Variants in ELAPOR1 observed in about 807,000 individuals in gnomAD.
ELAPOR1 encodes endosome/lysosome-associated apoptosis and autophagy regulator 1.
ELAPOR1 carries 77 observed loss-of-function variants against 119.7 expected under a neutral mutation model. The ratio of observed to expected loss-of-function variants is 0.64; its 90% CI spans 0.54 to 0.78. The LOEUF is 0.78. Ranked by LOEUF, ELAPOR1 falls within the 30% of genes least tolerant of loss-of-function variation. The pLI is 0.00. For missense variants in ELAPOR1, 1,115 were observed against 1,270.4 expected, an observed-to-expected ratio of 0.88 and a Z score of 1.86; for synonymous variants, 481 against 487.2, an observed-to-expected ratio of 0.99 and a Z score of 0.17.
chr1:109,197,688 AGTGTGTGTGTGT>A (rs5776967), intron 16 of ELAPOR1, 34 bp downstream of exon 16: 15 of 1,366,708 alleles, frequency 1.1e-5, no homozygotes, highest in African/African-American at 2.9e-5. Flanking sequence ...CTTGTTTGAG[AGTGTGTGTGTGT>A]GTGTGTGTGT....
intron 14 of ELAPOR1, among the ~76,000 whole-genome samples, chr1:109,193,892 T>C (rs1298660322): frequency 6.6e-6 from 1 of 152,204 alleles, no homozygotes; most frequent in Non-Finnish European, 1.5e-5. Flanking sequence ...TACCGCTGAA[T>C]GGTGACCCTA....
At chr1:109,159,143 C>G (rs929124407) in intron 1 of ELAPOR1, among the ~76,000 whole-genome samples, 2 of 152,132 alleles carry the variant, frequency 1.3e-5, no homozygotes, top group African/African-American at 4.8e-5. Context: ...ATCCACCCAC[C>G]TTGGCCTCCC....
rs186610158 is a variant in ELAPOR1 at position 109,149,610 on chromosome 1, T to C, written c.154-12284T>C. Among the ~76,000 whole-genome samples, 303 of 152,314 alleles carry C rather than the reference T, an allele frequency of 2.0e-3. 1 individual carries two copies. Among genetic ancestry groups the C allele is most frequent in the African/African-American group, 6.6e-3 (276 of 41,558 alleles). On this transcript the variant is annotated intron_variant, in intron 1 of 21. Transcript: ENST00000369939. ...CATTCAGTCATTCAACAAATACTTA[T>C]TGAAAGCTACTATGTCAGGTGCTGT... is the stretch of plus-strand genomic sequence containing the variant.
chr1:109,170,745 C>T (rs144387618), intron 3 of ELAPOR1, among the ~76,000 whole-genome samples: 43 of 152,256 alleles, frequency 2.8e-4, no homozygotes, highest in African/African-American at 7.9e-4. Context: ...AGGATCTGTC[C>T]GCTGGGCTGC....
In ELAPOR1 at chr1:109,200,827, A is replaced by C. The variant is rs1408494304; in HGVS notation, c.2900A>C (p.Glu967Ala). The change falls in exon 21 of 22, where the codon GAG becomes GCG. Residue 967 changes from glutamate to alanine, a missense_variant. Coordinates refer to ENST00000369939, the MANE Select transcript of ELAPOR1 (RefSeq NM_020775.5). ...GACAGCTGCGCCATCATGGAAGGCG[A>C]GGATGTAGAGGACGACCTCATCTTT... ...AADSCAIMEG[E>A]DVEDDLIFTS... 6.2e-7 allele frequency: 1 copy of C among 1,614,210 alleles called. No individual in the cohort carries two copies. Among genetic ancestry groups the C allele is most frequent in the East Asian group, 2.2e-5 (1 of 44,876 alleles).
At chr1:109,192,442 A>G (rs930779736) in intron 13 of ELAPOR1, among the ~76,000 whole-genome samples, 169 bp from the exon 14 acceptor site, 2 of 152,190 alleles carry the variant, frequency 1.3e-5, no homozygotes, top group African/African-American at 2.4e-5. Flanking sequence ...AATGACATCA[A>G]ATGCACACGA....
At chr1:109,201,464 G>C (rs1373605426) in intron 21 of ELAPOR1, 1 of 425,798 alleles carries the variant, frequency 2.3e-6, no homozygotes, top group African/African-American at 2.0e-5. Context: ...CTGTCACTGG[G>C]TGTGGGGCCA....
chr1:109,122,128 G>A (rs917686590), intron 1 of ELAPOR1, among the ~76,000 whole-genome samples: 9 of 149,596 alleles, frequency 6.0e-5, no homozygotes, highest in African/African-American at 1.7e-4. Context: ...AGAGTACAGC[G>A]GTGCAATCTC....
At chr1:109,186,678 T>C in intron 8 of ELAPOR1, 3 of 985,448 alleles carry the variant, frequency 3.0e-6, no homozygotes, top group Non-Finnish European at 3.6e-6. Flanking sequence ...ATTTTCTTGG[T>C]CTCAGCCAAC....
chr1:109,181,581 A>T (rs1652698075), intron 7 of ELAPOR1, among the ~76,000 whole-genome samples: 2 of 152,178 alleles, frequency 1.3e-5, no homozygotes, highest in African/African-American at 4.8e-5. Flanking sequence ...ATATTTGACA[A>T]GCAGAGAAAG....
At chr1:109,136,933 T>A (rs535787032) in intron 1 of ELAPOR1, among the ~76,000 whole-genome samples, 2 of 152,292 alleles carry the variant, frequency 1.3e-5, no homozygotes, top group African/African-American at 4.8e-5. Context: ...AGGCAGTTTG[T>A]GATCTTTGCC....
intron 1 of ELAPOR1, among the ~76,000 whole-genome samples, chr1:109,153,594 C>G (rs1650667612): frequency 1.3e-5 from 2 of 151,650 alleles, no homozygotes; most frequent in African/African-American, 4.8e-5. Flanking sequence ...GTAGTTATCT[C>G]TGTTTGGTGG....
rs146301187 is a variant in ELAPOR1 at position 109,189,641 on chromosome 1, C to T, written c.1398C>T (p.Asp466=). 1.2e-6 allele frequency: 2 copies of T among 1,614,050 alleles called. No individual in the cohort carries two copies. Among genetic ancestry groups the T allele is most frequent in the African/African-American group, 2.7e-5 (2 of 74,924 alleles). ...DHIYTAAGAS[D]NDFMILTLVV... is the part of the protein sequence containing the mutation. The stretch of plus-strand genomic sequence containing the variant: ...TTTACACAGCTGCTGGAGCCTCAGA[C>T]AATGACTTCATGATTCTCACTCTGG... The change falls in exon 11 of 22, where the codon GAC becomes GAT. Residue 466 remains aspartate (D), a synonymous_variant. Coordinates refer to ENST00000369939, the MANE Select transcript of ELAPOR1 (RefSeq NM_020775.5).
chr1:109,168,786 A>C (rs538598712), intron 3 of ELAPOR1, among the ~76,000 whole-genome samples: 2 of 152,208 alleles, frequency 1.3e-5, no homozygotes, highest in South Asian at 4.1e-4. Flanking sequence ...TCTTCATTCT[A>C]AAAATGATGA....
At chr1:109,180,223 G>A (rs577810361) in intron 7 of ELAPOR1, among the ~76,000 whole-genome samples, 73 of 152,274 alleles carry the variant, frequency 4.8e-4, no homozygotes, top group African/African-American at 1.7e-3. Context: ...AAACAGAATA[G>A]CATGAAGTTA....
At chr1:109,121,563 G>T (rs1648421097) in intron 1 of ELAPOR1, among the ~76,000 whole-genome samples, 1 of 152,188 alleles carries the variant, frequency 6.6e-6, no homozygotes, top group Non-Finnish European at 1.5e-5. Context: ...GGATTCTCCT[G>T]CCTCAGTCAC....
At chr1:109,144,061 AT>A (rs71069655) in intron 1 of ELAPOR1, among the ~76,000 whole-genome samples, 3,816 of 88,930 alleles carry the variant, frequency 0.043, 182 homozygotes, top group Admixed American at 0.13. Flanking sequence ...ATATTTATAT[AT>A]TTTTTTTTTT....
chr1:109,193,028 C>A (rs1653552639), intron 14 of ELAPOR1, among the ~76,000 whole-genome samples, 154 bp downstream of exon 14: 1 of 152,060 alleles, frequency 6.6e-6, no homozygotes, highest in African/African-American at 2.4e-5. Context: ...CCCATCCAGG[C>A]TGTGACTGTG....
intron 3 of ELAPOR1, among the ~76,000 whole-genome samples, chr1:109,165,412 C>T (rs888916933): frequency 7.9e-5 from 12 of 151,890 alleles, no homozygotes; most frequent in African/African-American, 1.9e-4. Flanking sequence ...GGTGAAACCC[C>T]GTCTCTACTA....
Sources: gnomAD v4.1 joint callset for allele counts (sites outside exome capture counted in the v4.1 genomes callset) on GRCh38, gnomAD v4.1.1 for gene constraint, MANE v1.5 for transcripts, NCBI Gene and HGNC (gene_info 2026-07-23, HGNC 2026-07-21) for gene names.